The following ZNF609 variants were observed in gnomAD, a reference collection of about 807,000 sequenced individuals.
ZNF609 encodes the protein zinc finger protein 609.
ZNF609 carries 11 observed loss-of-function variants against 109.5 expected under a neutral mutation model. That is an observed-to-expected ratio of 0.10 (90% confidence interval 0.06 to 0.17). The LOEUF is 0.17. ZNF609 is among the 10% of genes least tolerant of loss of function. ZNF609 has a pLI of 1.00. For missense variants in ZNF609, 1,559 were observed against 1,772.4 expected (o/e 0.88, Z 2.16); for synonymous variants, 646 against 662.0 (o/e 0.98, Z 0.37).
At chr15:64,614,398 T>TTTTTTA (rs1895766817) in intron 2 of ZNF609, among the ~76,000 whole-genome samples, 2 of 152,126 alleles carry the variant, frequency 1.3e-5, no homozygotes, top group South Asian at 4.1e-4. Context: ...CCCGGCTATT[T>TTTTTTA]TTTTTATTTT....
chr15:64,517,751 G>GTA (rs756726062), intron 2 of ZNF609, among the ~76,000 whole-genome samples: 1 of 151,276 alleles, frequency 6.6e-6, no homozygotes, highest in Non-Finnish European at 1.5e-5. Flanking sequence ...TGGAGTGTGT[G>GTA]TATATATATG....
chr15:64,524,583 G>T (rs1226978908), intron 2 of ZNF609, among the ~76,000 whole-genome samples: 1 of 151,466 alleles, frequency 6.6e-6, no homozygotes, highest in Non-Finnish European at 1.5e-5. Flanking sequence ...AAAAAAGGGG[G>T]GGGCCTTTTG....
intron 1 of ZNF609, among the ~76,000 whole-genome samples, chr15:64,476,783 G>A (rs933984806): frequency 2.0e-5 from 3 of 152,186 alleles, no homozygotes; most frequent in Non-Finnish European, 4.4e-5. Flanking sequence ...TGCTGACTGA[G>A]CCTTGGTTGC....
At chr15:64,586,642 C>T (rs1162300235) in intron 2 of ZNF609, among the ~76,000 whole-genome samples, 1 of 151,914 alleles carries the variant, frequency 6.6e-6, no homozygotes, top group Admixed American at 6.6e-5. Flanking sequence ...AACCATCCCC[C>T]GTCCCGCCAA....
At chr15:64,680,435 GC>G in intron 7 of ZNF609, 75 bp downstream of exon 7, 1 of 1,557,974 alleles carries the variant, frequency 6.4e-7, no homozygotes, top group Non-Finnish European at 8.8e-7. Context: ...GAGAAGGTGG[GC>G]AAGTTCAGGT....
At chr15:64,623,550 C>T (rs1256687269) in intron 3 of ZNF609, among the ~76,000 whole-genome samples, 2 of 152,136 alleles carry the variant, frequency 1.3e-5, no homozygotes, top group Non-Finnish European at 2.9e-5. Context: ...ATTGCCCAGC[C>T]ACCCACACCG....
chr15:64,675,820 G>A lies in ZNF609; in HGVS notation c.2966G>A (p.Ser989Asn). Residue 989 changes from serine to asparagine, a missense_variant, in exon 5 of 10, where the codon AGT becomes AAT. Ser to Asn is a conservative substitution (Grantham distance 46, BLOSUM62 1). Coordinates refer to ENST00000326648, the MANE Select transcript of ZNF609 (RefSeq NM_015042.2). The part of the protein sequence containing the change: ...YVPPYGYSDQ[S>N]YHTHLLSTNT... ...CCCCCCTATGGCTACAGCGACCAGAGTTACCACACCCACCTTCTGAGCACT... is the reference window on the plus strand; with the variant it reads ...CCCCCCTATGGCTACAGCGACCAGAATTACCACACCCACCTTCTGAGCACT... 4 of 1,614,160 alleles carry A rather than the reference G, an allele frequency of 2.5e-6. No individual in the cohort carries two copies. The highest frequency in any genetic ancestry group is 2.5e-6 in the Non-Finnish European group (3 of 1,180,044).
chr15:64,581,150 T>C lies in ZNF609; in HGVS notation c.748-41677T>C, dbSNP rs114371512. Among the ~76,000 whole-genome samples the C allele has an allele frequency of 5.0e-3, 761 of 152,054 alleles. 7 individuals are homozygous for C. The highest frequency in any genetic ancestry group is 0.017 in the African/African-American group (709 of 41,462). ...AAGCTGTCTTCCTGCTTCCTCCTCC[T>C]GAGTAGCTGGGACTATATGCATGTC... is the stretch of plus-strand genomic sequence containing the variant. On this transcript the variant is annotated intron_variant, in intron 2 of 9. Transcript: ENST00000326648.
At chr15:64,528,673 C>A in intron 2 of ZNF609, 1 of 1,156,022 alleles carries the variant, frequency 8.7e-7, no homozygotes. Flanking sequence ...GGTCTTACTC[C>A]TTGGAGGCAT....
In ZNF609 at chr15:64,492,925, C is replaced by T. The variant is rs181326604; in HGVS notation, c.-127-6368C>T. Among the ~76,000 whole-genome samples, 1,267 of 152,268 alleles carry T rather than the reference C, an allele frequency of 8.3e-3. 14 individuals are homozygous for T. Among genetic ancestry groups the T allele is most frequent in the Middle Eastern group, 0.014 (4 of 294 alleles). ...GGCATGCAGGTTTTGGAGGGGAATA[C>T]CTAGCTAGACAGCCCTAATATCCAT... On this transcript the variant is annotated intron_variant, in intron 1 of 9. Coordinates refer to ENST00000326648, the MANE Select transcript of ZNF609 (RefSeq NM_015042.2).
intron 2 of ZNF609, among the ~76,000 whole-genome samples, chr15:64,602,445 A>G (rs1019694662): frequency 1.3e-5 from 2 of 152,228 alleles, no homozygotes; most frequent in Admixed American, 1.3e-4. Flanking sequence ...GTTTTAAGGA[A>G]TAAGTGAAAT....
At chr15:64,582,469 G>A (rs1354787817) in intron 2 of ZNF609, among the ~76,000 whole-genome samples, 1 of 152,066 alleles carries the variant, frequency 6.6e-6, no homozygotes, top group Non-Finnish European at 1.5e-5. Context: ...TGTTTGTACT[G>A]AGCATTACAC....
chr15:64,568,414 C>T (rs1281543237), intron 2 of ZNF609, among the ~76,000 whole-genome samples: 1 of 152,108 alleles, frequency 6.6e-6, no homozygotes, highest in South Asian at 2.1e-4. Context: ...TATTTGGGAA[C>T]CTCTAGAGCA....
intron 1 of ZNF609, among the ~76,000 whole-genome samples, chr15:64,475,543 C>T (rs919002331): frequency 2.6e-5 from 4 of 151,936 alleles, no homozygotes; most frequent in African/African-American, 4.8e-5. Flanking sequence ...TGCCCGCCAC[C>T]GCGCCTGGCT....
chr15:64,612,263 T>C (rs948014446), intron 2 of ZNF609, among the ~76,000 whole-genome samples: 1 of 151,686 alleles, frequency 6.6e-6, no homozygotes. Flanking sequence ...TTCTCCTGCC[T>C]CAGCCTCCCG....
chr15:64,582,236 G>C (rs933117490), intron 2 of ZNF609, among the ~76,000 whole-genome samples: 1 of 152,144 alleles, frequency 6.6e-6, no homozygotes, highest in Non-Finnish European at 1.5e-5. Flanking sequence ...GCCAAGTTGA[G>C]TAATTGCAAC....
chr15:64,627,733 T>A (rs1895993797), intron 3 of ZNF609, among the ~76,000 whole-genome samples: 1 of 125,974 alleles, frequency 7.9e-6, no homozygotes, highest in Admixed American at 1.1e-4. Flanking sequence ...AGCAACAACA[T>A]CATCTCTCAC....
intron 1 of ZNF609, among the ~76,000 whole-genome samples, chr15:64,488,763 TC>T (rs1253321156): frequency 3.3e-5 from 5 of 152,128 alleles, no homozygotes; most frequent in African/African-American, 1.2e-4. Context: ...TTTTTTCCTT[TC>T]CCTGAGACTA....
At chr15:64,572,839 T>C (rs961568038) in intron 2 of ZNF609, among the ~76,000 whole-genome samples, 45 of 152,090 alleles carry the variant, frequency 3.0e-4, no homozygotes, top group Admixed American at 5.2e-4. Context: ...AGGCGGAAGT[T>C]GTGGTGAGCC....
Sources: gnomAD v4.1 joint callset for allele counts (sites outside exome capture counted in the v4.1 genomes callset) on GRCh38, gnomAD v4.1.1 for gene constraint, MANE v1.5 for transcripts, NCBI Gene and HGNC (gene_info 2026-07-23, HGNC 2026-07-21) for gene names.